Variants in CDC73 observed in about 807,000 individuals in gnomAD.
CDC73 encodes cell division cycle 73.
A neutral mutation model predicts 83.7 loss-of-function variants in CDC73; 21 were observed. That is an observed-to-expected ratio of 0.25 (90% CI 0.18 to 0.36). CDC73 has a LOEUF of 0.36. CDC73 is among the 10% of genes least tolerant of loss of function. The pLI, the probability that CDC73 is intolerant of heterozygous loss-of-function variation, is 1.00. For synonymous variants in CDC73, 224 were observed against 212.9 expected, an observed-to-expected ratio of 1.05 and a Z score of -0.45; for missense variants, 342 against 653.3, an observed-to-expected ratio of 0.52 and a Z score of 5.19.
intron 15 of CDC73, 34 bp from the exon 16 acceptor site, chr1:193,249,696 T>A (rs1327582617): frequency 6.4e-7 from 1 of 1,564,140 alleles, no homozygotes; most frequent in Non-Finnish European, 8.8e-7. Context: ...TTATTTTGAG[T>A]AAAAATGATA....
At chr1:193,237,589 G>A (rs901963684) in intron 15 of CDC73, among the ~76,000 whole-genome samples, 3 of 152,082 alleles carry the variant, frequency 2.0e-5, no homozygotes, top group South Asian at 2.1e-4. Context: ...TGCAGGAGTC[G>A]GGAGGTAGGG....
At chr1:193,131,012 C>G (rs142443175) in intron 3 of CDC73, among the ~76,000 whole-genome samples, 583 of 152,024 alleles carry the variant, frequency 3.8e-3, no homozygotes, top group African/African-American at 0.014. Context: ...AACCTGTATT[C>G]TCTAGGTGAT....
chr1:193,244,759 CT>C (rs1677924627), intron 15 of CDC73, among the ~76,000 whole-genome samples: 1 of 152,110 alleles, frequency 6.6e-6, no homozygotes, highest in African/African-American at 2.4e-5. Context: ...TTGAGAACCC[CT>C]CTCTAAATAC....
At chr1:193,125,736 C>A (rs576579024) in intron 2 of CDC73, among the ~76,000 whole-genome samples, 9 of 151,842 alleles carry the variant, frequency 5.9e-5, no homozygotes, top group African/African-American at 2.2e-4. Context: ...CCCACCATGC[C>A]GGGCTAATTT....
rs1472498930 is a variant in CDC73 at position 193,147,903 on chromosome 1, G to A, written c.766G>A (p.Val256Ile). ...GAACATTTTTGCAATTCTTCAATCT[G>A]TAAAAGCCAGAGAAGAAGGGCGTGC... ...SKNIFAILQS[V>I]KAREEGRAPE... The change falls in exon 8 of 17, where the codon GTA becomes ATA. Residue 256 changes from valine to isoleucine, a missense_variant. This residue lies in a region of CDC73 where 239 missense variants were observed against 420.6 expected (regional missense o/e 0.57). Coordinates refer to ENST00000367435, the MANE Select transcript of CDC73 (RefSeq NM_024529.5). The A allele has an allele frequency of 4.3e-6, 7 of 1,613,252 alleles. No individual in the cohort carries two copies. Among genetic ancestry groups the A allele is most frequent in the Non-Finnish European group, 4.2e-6 (5 of 1,179,268 alleles).
At chr1:193,140,450 TA>T (rs1369843891) in intron 6 of CDC73, among the ~76,000 whole-genome samples, 5 of 152,302 alleles carry the variant, frequency 3.3e-5, no homozygotes, top group Admixed American at 6.5e-5. Context: ...AAACCTCGGA[TA>T]GTCCTGAACT....
intron 13 of CDC73, among the ~76,000 whole-genome samples, chr1:193,222,268 G>A (rs1441120745): frequency 6.6e-6 from 1 of 152,188 alleles, no homozygotes; most frequent in East Asian, 1.9e-4. Flanking sequence ...CGCAGAAGGA[G>A]CTCAGACGCT....
At chr1:193,157,121 A>G (rs767415118) in intron 10 of CDC73, among the ~76,000 whole-genome samples, 2 of 152,214 alleles carry the variant, frequency 1.3e-5, no homozygotes, top group Non-Finnish European at 2.9e-5. Context: ...GATGACAGGA[A>G]AACACATTTT....
At chr1:193,242,412 G>A (rs1677878890) in intron 15 of CDC73, among the ~76,000 whole-genome samples, 1 of 152,138 alleles carries the variant, frequency 6.6e-6, no homozygotes, top group African/African-American at 2.4e-5. Context: ...TTATCTCACT[G>A]GTGAGCCCAT....
At chr1:193,215,849 C>G (rs183133797) in intron 13 of CDC73, among the ~76,000 whole-genome samples, 1 of 152,106 alleles carries the variant, frequency 6.6e-6, no homozygotes, top group East Asian at 1.9e-4. Context: ...CTTGGCCTCC[C>G]GAAGGGCTGG....
intron 5 of CDC73, 138 bp from the exon 6 acceptor site, chr1:193,137,947 T>C (rs1675829456): frequency 1.4e-6 from 1 of 700,732 alleles, no homozygotes; most frequent in East Asian, 2.7e-5. Flanking sequence ...CCAAAAGTAG[T>C]CTTGAAGTTG....
At chr1:193,242,723 A>G (rs1173022905) in intron 15 of CDC73, among the ~76,000 whole-genome samples, 1 of 152,102 alleles carries the variant, frequency 6.6e-6, no homozygotes, top group Non-Finnish European at 1.5e-5. Context: ...AATCTTCTGT[A>G]TTATCCCTTT....
chr1:193,128,022 C>T (rs950152921), intron 2 of CDC73: 5 of 152,042 alleles, frequency 3.3e-5, no homozygotes, highest in African/African-American at 1.2e-4. Flanking sequence ...ATTTCCTGAC[C>T]TCGCGATCCG....
At chr1:193,188,954 T>G (rs1676872758) in intron 10 of CDC73, among the ~76,000 whole-genome samples, 1 of 150,566 alleles carries the variant, frequency 6.6e-6, no homozygotes. Context: ...TCTGTCTGTC[T>G]GTTTTTTTTT....
Position 193,157,294 on chromosome 1 carries a change from A to G in CDC73, c.972+4850A>G, listed in dbSNP as rs568499826. Among the ~76,000 whole-genome samples the G allele has an allele frequency of 6.4e-4, 97 of 152,328 alleles. 1 individual carries two copies. The highest frequency in any genetic ancestry group is 5.6e-3 in the South Asian group (27 of 4,824). On this transcript the variant is annotated intron_variant, in intron 10 of 16. Transcript: ENST00000367435. ...TGTTCGTAAATGTTAGTGGATTATT[A>G]CATTACATTGCACTAACGTTTATGA... is the stretch of plus-strand genomic sequence containing the variant.
At chr1:193,165,259 C>T (rs1190862780) in intron 10 of CDC73, among the ~76,000 whole-genome samples, 1 of 152,134 alleles carries the variant, frequency 6.6e-6, no homozygotes, top group Non-Finnish European at 1.5e-5. Flanking sequence ...CTCACCCTCC[C>T]AATTAGTAAT....
At chr1:193,175,194 T>C (rs1676580549) in intron 10 of CDC73, among the ~76,000 whole-genome samples, 3 of 152,130 alleles carry the variant, frequency 2.0e-5, no homozygotes, top group Non-Finnish European at 4.4e-5. Flanking sequence ...ATGCCTAGCT[T>C]TGTGTTTTGA....
intron 10 of CDC73, chr1:193,180,455 A>C: frequency 1.2e-6 from 2 of 1,614,088 alleles, no homozygotes; most frequent in Non-Finnish European, 1.7e-6. Flanking sequence ...CTCGAATAAG[A>C]GACTCGCCAG....
intron 10 of CDC73, among the ~76,000 whole-genome samples, chr1:193,164,163 G>A (rs369548820): frequency 3.9e-5 from 6 of 152,254 alleles, no homozygotes; most frequent in African/African-American, 1.2e-4. Flanking sequence ...GTAGATCATC[G>A]AAGACTAGTC....
Sources: allele counts gnomAD v4.1 joint callset (sites outside exome capture counted in the v4.1 genomes callset), GRCh38; gene constraint gnomAD v4.1.1; regional missense constraint gnomAD v4.1.1; transcripts MANE v1.5; gene names NCBI Gene and HGNC (gene_info 2026-07-23, HGNC 2026-07-21).